TBC1D14: variants seen among roughly 807,000 people sequenced by gnomAD.
The protein encoded by TBC1D14 is TBC1 domain family, member 14.
Under a neutral mutation model 79.0 loss-of-function variants are expected in TBC1D14, and 26 were observed. The ratio of observed to expected loss-of-function variants is 0.33; its 90% CI spans 0.24 to 0.46. The LOEUF is 0.46. Among genes scored for constraint, TBC1D14 ranks in the 20% least tolerant of loss-of-function variants. TBC1D14 has a pLI of 1.00. For missense variants in TBC1D14, 769 were observed against 887.6 expected (o/e 0.87, Z 1.70); for synonymous variants, 394 against 349.9 (o/e 1.13, Z -1.40).
At chr4:6,956,797 G>GA (rs1714683420) in intron 2 of TBC1D14, among the ~76,000 whole-genome samples, 1 of 152,218 alleles carries the variant, frequency 6.6e-6, no homozygotes, top group African/African-American at 2.4e-5. Context: ...CCTGTGCGGG[G>GA]AAGGAGCACT....
chr4:6,939,331 C>A (rs917040258), intron 2 of TBC1D14, among the ~76,000 whole-genome samples: 7 of 151,320 alleles, frequency 4.6e-5, no homozygotes, highest in African/African-American at 9.7e-5. Context: ...GAGCCCCCCC[C>A]AGGAAGAATG....
At position 6,923,805 on chromosome 4, in the gene TBC1D14, A is replaced by G. The variant is rs1724056065; in HGVS notation, c.416A>G (p.Lys139Arg). 2 of 1,614,038 alleles carry G rather than the reference A, an allele frequency of 1.2e-6. No homozygotes were observed. The highest frequency in any genetic ancestry group is 2.2e-5 in the East Asian group (1 of 44,902). ...CCCAGGACAGGCTATGACTCGGTAA[A>G]GCTCTATAGCCCGACCTCCAAAGCC... The part of the protein sequence containing the change: ...TFPRTGYDSV[K>R]LYSPTSKALT... The change falls in exon 2 of 14, where the codon AAG becomes AGG. Residue 139 changes from lysine (K) to arginine (R), a missense_variant. Lys to Arg is a conservative substitution (Grantham distance 26). Coordinates refer to ENST00000409757, the MANE Select transcript of TBC1D14 (RefSeq NM_020773.3).
intron 2 of TBC1D14, among the ~76,000 whole-genome samples, chr4:6,932,913 T>C (rs548791292): frequency 4.6e-5 from 7 of 152,144 alleles, no homozygotes; most frequent in South Asian, 2.1e-4. Flanking sequence ...CGGGCACTTA[T>C]CAGGATGAAA....
intron 2 of TBC1D14, among the ~76,000 whole-genome samples, chr4:6,927,632 T>C (rs1724396426): frequency 6.6e-6 from 1 of 152,142 alleles, no homozygotes; most frequent in African/African-American, 2.4e-5. Context: ...CACTGGCCGA[T>C]GTTTTGGGGT....
chr4:6,999,071 A>G lies in TBC1D14; in HGVS notation c.1046-14A>G. 6.2e-7 allele frequency: 1 copy of G among 1,613,214 alleles called. No individual in the cohort carries two copies. Among genetic ancestry groups the G allele is most frequent in the Non-Finnish European group, 8.5e-7 (1 of 1,179,262 alleles). On this transcript the variant is annotated splice_polypyrimidine_tract_variant and intron_variant, in intron 5 of 13. Transcript: ENST00000409757. ...AGTTAGTAGATTGTTGTTTTTCTAA[A>G]TTGTGATTTCTAGAGCTGAAAGAAG... is the stretch of plus-strand genomic sequence containing the variant.
intron 3 of TBC1D14, among the ~76,000 whole-genome samples, chr4:6,973,695 C>G (rs1287254369): frequency 6.6e-6 from 1 of 152,086 alleles, no homozygotes; most frequent in African/African-American, 2.4e-5. Flanking sequence ...CTCAGGCAGA[C>G]CCAAACCCAG....
At chr4:6,958,931 TG>T (rs2109024370) in intron 2 of TBC1D14, among the ~76,000 whole-genome samples, 1 of 151,806 alleles carries the variant, frequency 6.6e-6, no homozygotes, top group South Asian at 2.1e-4. Flanking sequence ...TCGCCCAGGC[TG>T]GAGTGCAGTG....
At chr4:6,960,922 A>G (rs762662639) in intron 2 of TBC1D14, among the ~76,000 whole-genome samples, 1 of 151,596 alleles carries the variant, frequency 6.6e-6, no homozygotes, top group African/African-American at 2.4e-5. Flanking sequence ...GTACCTGACT[A>G]CTCTTGTTGG....
At chr4:6,989,052 C>T (rs1560314431) in intron 3 of TBC1D14, among the ~76,000 whole-genome samples, 1 of 151,974 alleles carries the variant, frequency 6.6e-6, no homozygotes. Context: ...AGGAATACTT[C>T]TTCATTGTTT....
At chr4:6,963,079 A>G (rs543754355) in intron 2 of TBC1D14, among the ~76,000 whole-genome samples, 19 of 152,232 alleles carry the variant, frequency 1.2e-4, no homozygotes, top group African/African-American at 1.9e-4. Context: ...AATGGAGGGA[A>G]TGCCCTGTGC....
intron 3 of TBC1D14, among the ~76,000 whole-genome samples, chr4:6,986,330 T>G (rs999153736): frequency 6.6e-6 from 1 of 152,236 alleles, no homozygotes; most frequent in Non-Finnish European, 1.5e-5. Context: ...TCTGGTCGTA[T>G]TTCTCTTGGG....
At chr4:6,922,758 GC>G (rs1723965535) in intron 1 of TBC1D14, among the ~76,000 whole-genome samples, 1 of 151,986 alleles carries the variant, frequency 6.6e-6, no homozygotes, top group Non-Finnish European at 1.5e-5. Context: ...CCCAACCGCC[GC>G]CCCCCAAGCC....
intron 3 of TBC1D14, among the ~76,000 whole-genome samples, chr4:6,976,529 G>A (rs1018251509): frequency 1.3e-5 from 2 of 152,174 alleles, no homozygotes; most frequent in African/African-American, 2.4e-5. Flanking sequence ...TTGTTAGAGC[G>A]CCGAAAAGAA....
chr4:6,913,476 G>A (rs1723158105), intron 1 of TBC1D14, among the ~76,000 whole-genome samples: 1 of 152,208 alleles, frequency 6.6e-6, no homozygotes, highest in African/African-American at 2.4e-5. Flanking sequence ...ACGCCAGCAG[G>A]CCATGTATGA....
chr4:7,005,526 C>G (rs1720099157), intron 8 of TBC1D14, among the ~76,000 whole-genome samples: 2 of 151,972 alleles, frequency 1.3e-5, no homozygotes, highest in South Asian at 4.1e-4. Context: ...CAGAGTGAGA[C>G]TCTGTCTCAA....
intron 2 of TBC1D14, among the ~76,000 whole-genome samples, chr4:6,931,990 G>A (rs1465632022): frequency 6.6e-6 from 1 of 151,978 alleles, no homozygotes; most frequent in Non-Finnish European, 1.5e-5. Flanking sequence ...GAGGTCCTGG[G>A]AGGAGCGGAG....
chr4:6,978,209 T>G (rs1431374798), intron 3 of TBC1D14, among the ~76,000 whole-genome samples: 194 of 151,708 alleles, frequency 1.3e-3, no homozygotes, highest in African/African-American at 4.6e-3. Flanking sequence ...GAGGAGCCCC[T>G]CTGCCCGGCC....
At chr4:6,978,094 G>A (rs1204341453) in intron 3 of TBC1D14, among the ~76,000 whole-genome samples, 1 of 149,396 alleles carries the variant, frequency 6.7e-6, no homozygotes, top group Non-Finnish European at 1.5e-5. Context: ...CGCCTGGCCA[G>A]CCGCCCCATC....
In TBC1D14 at chr4:6,960,038, A is replaced by G. The variant is rs1387905361; in HGVS notation, c.723-7266A>G. ...GCATGGCTCAGAAATCAAAAATTACAAGACAGTATATGGGTGAAAAGTTGG... is the reference window on the plus strand; with the variant it reads ...GCATGGCTCAGAAATCAAAAATTACGAGACAGTATATGGGTGAAAAGTTGG... On this transcript the variant is annotated intron_variant, in intron 2 of 13. Transcript: ENST00000409757. 2.6e-5 allele frequency among the ~76,000 whole-genome samples: 4 copies of G among 151,484 alleles called. 1 individual carries two copies. The highest frequency in any genetic ancestry group is 9.7e-5 in the African/African-American group (4 of 41,250).
Sources: gnomAD v4.1 joint callset for allele counts (sites outside exome capture counted in the v4.1 genomes callset) on GRCh38, gnomAD v4.1.1 for gene constraint, MANE v1.5 for transcripts, NCBI Gene and HGNC (gene_info 2026-07-23, HGNC 2026-07-21) for gene names.